The following SH3RF1 variants were observed in gnomAD, a reference collection of about 807,000 sequenced individuals.
SH3RF1 encodes E3 ubiquitin-protein ligase SH3RF1.
A neutral mutation model predicts 74.0 loss-of-function variants in SH3RF1; 32 were observed. The observed-to-expected ratio is 0.43, with a 90% confidence interval of 0.33 to 0.58. The LOEUF is 0.58. Ranked by LOEUF, SH3RF1 falls within the 20% of genes least tolerant of loss-of-function variation. The pLI, the probability that SH3RF1 is intolerant of heterozygous loss-of-function variation, is 0.05. For synonymous variants in SH3RF1, 396 were observed against 439.6 expected, an observed-to-expected ratio of 0.90 and a Z score of 1.24; for missense variants, 954 against 1,130.9, an observed-to-expected ratio of 0.84 and a Z score of 2.24.
intron 2 of SH3RF1, among the ~76,000 whole-genome samples, chr4:169,202,282 TTAA>T (rs988944268): frequency 2.0e-5 from 3 of 152,192 alleles, no homozygotes; most frequent in African/African-American, 7.2e-5. Flanking sequence ...ATGCTTCAGT[TTAA>T]TGTTTACCTC....
At chr4:169,099,519 T>C (rs560582093) in intron 11 of SH3RF1, among the ~76,000 whole-genome samples, 1 of 152,314 alleles carries the variant, frequency 6.6e-6, no homozygotes, top group African/African-American at 2.4e-5. Context: ...GTAGTTGCCA[T>C]GTGGGGCAAG....
chr4:169,256,700 G>A (rs1203150839), intron 2 of SH3RF1, among the ~76,000 whole-genome samples: 6 of 152,096 alleles, frequency 3.9e-5, no homozygotes, highest in East Asian at 1.9e-4. Flanking sequence ...GGGCTCAAGC[G>A]ATCCTCCAGC....
At chr4:169,217,058 G>A (rs1331821608) in intron 2 of SH3RF1, among the ~76,000 whole-genome samples, 1 of 151,348 alleles carries the variant, frequency 6.6e-6, no homozygotes, top group Non-Finnish European at 1.5e-5. Context: ...AGCTACTTGG[G>A]GAGCTGAGGT....
At chr4:169,133,739 C>A (rs910369187) in intron 5 of SH3RF1, among the ~76,000 whole-genome samples, 2 of 151,984 alleles carry the variant, frequency 1.3e-5, no homozygotes, top group African/African-American at 4.8e-5. Context: ...AGTGCCACTG[C>A]ACTCTAGCCT....
rs1005854839 is a variant in SH3RF1 at position 169,208,844 on chromosome 4, C to T, written c.394-52165G>A. Among the ~76,000 whole-genome samples, 21 of 151,762 alleles carry T rather than the reference C, an allele frequency of 1.4e-4. 1 individual carries two copies. Among genetic ancestry groups the T allele is most frequent in the Admixed American group, 1.1e-3 (17 of 15,252 alleles). ...AAGCCAAGAAGTAGGAGTGGGCCTA[C>T]GCAGAAACCCCTGGGCATGAATAAA... On this transcript the variant is annotated intron_variant, in intron 2 of 11. Transcript: ENST00000284637.
chr4:169,179,191 G>T (rs1734469451), intron 2 of SH3RF1, among the ~76,000 whole-genome samples: 1 of 152,334 alleles, frequency 6.6e-6, no homozygotes, highest in Middle Eastern at 3.4e-3. Context: ...AGGGTAACAT[G>T]ACTAAGGGAG....
chr4:169,112,214 T>A (rs1174227210), intron 10 of SH3RF1, among the ~76,000 whole-genome samples: 1 of 152,228 alleles, frequency 6.6e-6, no homozygotes, highest in Non-Finnish European at 1.5e-5. Flanking sequence ...AATACCTAGA[T>A]ATCTGCTGTA....
chr4:169,144,521 T>C (rs1397893254), intron 4 of SH3RF1, among the ~76,000 whole-genome samples: 1 of 151,942 alleles, frequency 6.6e-6, no homozygotes, highest in East Asian at 1.9e-4. Flanking sequence ...ATGAGGGAAA[T>C]AGGGAAACAG....
Position 169,160,611 on chromosome 4 carries a change from T to C in SH3RF1, c.394-3932A>G, listed in dbSNP as rs148296319. Among the ~76,000 whole-genome samples the C allele has an allele frequency of 3.4e-3, 519 of 152,358 alleles. 1 individual carries two copies. Among genetic ancestry groups the C allele is most frequent in the Non-Finnish European group, 6.1e-3 (416 of 68,028 alleles). Reference sequence around the variant, plus strand: ...TAACCCATGAACAAACATTTGTGCATCTGGCTGTGTTTTTCTATGGTATTC... The same window carrying C: ...TAACCCATGAACAAACATTTGTGCACCTGGCTGTGTTTTTCTATGGTATTC... On this transcript the variant is annotated intron_variant, in intron 2 of 11. Transcript: ENST00000284637.
intron 4 of SH3RF1, among the ~76,000 whole-genome samples, chr4:169,138,229 A>G (rs1304991365): frequency 3.3e-5 from 5 of 152,222 alleles, no homozygotes; most frequent in African/African-American, 1.2e-4. Context: ...AATGCTTTAT[A>G]TTATAGTGGG....
intron 2 of SH3RF1, among the ~76,000 whole-genome samples, chr4:169,159,027 G>A (rs1734107740): frequency 6.6e-6 from 1 of 152,166 alleles, no homozygotes; most frequent in African/African-American, 2.4e-5. Flanking sequence ...GCCTTCCAGA[G>A]TAATGACACC....
intron 4 of SH3RF1, among the ~76,000 whole-genome samples, chr4:169,142,533 T>C (rs1269352516): frequency 1.3e-5 from 2 of 152,198 alleles, no homozygotes; most frequent in Non-Finnish European, 2.9e-5. Flanking sequence ...GCCCATCTGG[T>C]TTTGCATAAA....
chr4:169,262,833 T>G (rs966738957), intron 2 of SH3RF1, among the ~76,000 whole-genome samples: 9 of 152,204 alleles, frequency 5.9e-5, no homozygotes, highest in Non-Finnish European at 1.2e-4. Context: ...ATACCTTCCT[T>G]CTACCCTGTT....
chr4:169,147,177 A>G (rs1006869775), intron 4 of SH3RF1, among the ~76,000 whole-genome samples: 2 of 152,212 alleles, frequency 1.3e-5, no homozygotes, highest in African/African-American at 2.4e-5. Context: ...TTTCCATTAC[A>G]TATTTGTTCA....
In SH3RF1 at chr4:169,106,898, C is replaced by G. The variant is rs1397401585; in HGVS notation, c.2447G>C (p.Cys816Ser). The G allele has an allele frequency of 2.5e-6, 4 of 1,613,204 alleles. No homozygotes were observed. Among genetic ancestry groups the G allele is most frequent in the Non-Finnish European group, 3.4e-6 (4 of 1,179,762 alleles). ...ATTCAAGACAGGACCCAGGGAGGAA[C>G]AGGCCTGGCGAGGAGGTGGAGCGAT... ...VPIAPPPRQA[C>S]SSLGPVLNES... The change falls in exon 11 of 12, where the codon TGT becomes TCT. Residue 816 changes from cysteine to serine, a missense_variant. Coordinates refer to ENST00000284637, the MANE Select transcript of SH3RF1 (RefSeq NM_020870.4).
At chr4:169,234,568 C>T (rs1730797100) in intron 2 of SH3RF1, among the ~76,000 whole-genome samples, 1 of 152,168 alleles carries the variant, frequency 6.6e-6, no homozygotes, top group Admixed American at 6.5e-5. Context: ...AATTAATTAA[C>T]AAACTTCTAA....
At chr4:169,234,496 G>A (rs368342415) in intron 2 of SH3RF1, among the ~76,000 whole-genome samples, 12 of 152,154 alleles carry the variant, frequency 7.9e-5, no homozygotes, top group East Asian at 3.8e-4. Flanking sequence ...GGTGAAGTTC[G>A]TTTGGGTGAA....
In SH3RF1 at chr4:169,205,696, A is replaced by T. The variant is rs564967143; in HGVS notation, c.394-49017T>A. Among the ~76,000 whole-genome samples the T allele has an allele frequency of 6.6e-5, 10 of 152,274 alleles. No homozygotes were observed. In the East Asian group the frequency reaches 1.7e-3, roughly 26 times the overall value. ...TGAATGACGTTAGCAGGACTAATAA[A>T]TTTCTCTTTCCCTTTCTTGAAATTT... is the stretch of plus-strand genomic sequence containing the variant. On this transcript the variant is annotated intron_variant, in intron 2 of 11. Coordinates refer to ENST00000284637, the MANE Select transcript of SH3RF1 (RefSeq NM_020870.4).
chr4:169,173,300 C>T (rs929386283), intron 2 of SH3RF1, among the ~76,000 whole-genome samples: 29 of 152,080 alleles, frequency 1.9e-4, no homozygotes, highest in African/African-American at 7.0e-4. Flanking sequence ...TATTCAGTTG[C>T]ACCAAATAAT....
Sources: allele counts gnomAD v4.1 joint callset (sites outside exome capture counted in the v4.1 genomes callset), GRCh38; gene constraint gnomAD v4.1.1; transcripts MANE v1.5; gene names NCBI Gene and HGNC (gene_info 2026-07-23, HGNC 2026-07-21).